The following LIN7B variants were observed in gnomAD, a reference collection of about 807,000 sequenced individuals.
LIN7B encodes lin-7 cell polarity scaffold B, also known as protein lin-7 homolog B.
LIN7B carries 16 observed loss-of-function variants against 27.9 expected under a neutral mutation model. The observed-to-expected ratio is 0.57, with a 90% CI of 0.39 to 0.87. The LOEUF (loss-of-function observed/expected upper bound fraction) is 0.87. LIN7B is among the 40% of genes least tolerant of loss of function. LIN7B has a pLI of 0.00. For missense variants in LIN7B, 291 were observed against 288.5 expected (o/e 1.01, Z -0.06); for synonymous variants, 147 against 120.8 (o/e 1.22, Z -1.42).
chr19:49,118,309 G>A (rs771700198), intron 5 of LIN7B, 43 bp from the exon 6 acceptor site: 5 of 1,611,844 alleles, frequency 3.1e-6, no homozygotes, highest in Non-Finnish European at 4.2e-6. Context: ...TTGTCTACCC[G>A]GAGCCTCCCT....
chr19:49,116,609 G>A, intron 4 of LIN7B, 137 bp downstream of exon 4: 1 of 828,048 alleles, frequency 1.2e-6, no homozygotes, highest in South Asian at 1.8e-5. Flanking sequence ...TACAGACTCT[G>A]AGAGATGTTG....
rs765260868 is a variant in LIN7B, at chr19:49,116,231, GC to G, written c.229-29del. On this transcript the variant is annotated intron_variant, in intron 3 of 5. Coordinates refer to ENST00000221459, the MANE Select transcript of LIN7B (RefSeq NM_022165.3). ...CAGCTTTCATGCCTACCTGGAAGGG[GC>G]CCTCATCTTCAGTCGCTTTCTCTCT... The G allele has an allele frequency of 2.5e-6, 4 of 1,590,214 alleles. No homozygotes were observed. The African/African-American group carries it at 4.0e-5, about 16-fold the overall frequency.
Position 49,118,337 on chromosome 19 carries a change from C to T in LIN7B, c.603-15C>T. On this transcript the variant is annotated splice_polypyrimidine_tract_variant and intron_variant, in intron 5 of 5. Transcript: ENST00000221459. ...GCCTCCCTGATCCCGGGTCCCTTGT[C>T]CACCCCCCTTGCAGGTCCTTGGAGT... The T allele has an allele frequency of 6.2e-7, 1 of 1,614,114 alleles. No individual in the cohort carries two copies. Among genetic ancestry groups the T allele is most frequent in the Non-Finnish European group, 8.5e-7 (1 of 1,179,922 alleles).
At chr19:49,115,082 C>T in intron 2 of LIN7B, 115 bp downstream of exon 2, 1 of 903,000 alleles carries the variant, frequency 1.1e-6, no homozygotes. Context: ...GGCGGCCCGC[C>T]TTGGGGTGCC....
At chr19:49,118,293 C>A in intron 5 of LIN7B, 59 bp from the exon 6 acceptor site, 17 of 1,589,230 alleles carry the variant, frequency 1.1e-5, no homozygotes, top group Non-Finnish European at 1.5e-5. Flanking sequence ...CCCAGTCCTG[C>A]CCCTCTTGTC....
rs948255828 is a variant in LIN7B at position 49,118,157 on chromosome 19, G to T, written c.602+139G>T. The T allele has an allele frequency of 8.3e-6, 12 of 1,442,062 alleles. No homozygotes were observed. In the African/African-American group the frequency reaches 1.4e-4, roughly 17 times the overall value. The allele number at this position is 1,442,062 out of a possible 1,614,324, so 89.3% of individuals were successfully genotyped here. On this transcript the variant is annotated intron_variant, in intron 5 of 5. Transcript: ENST00000221459. Reference sequence around the variant, plus strand: ...TCCTGACCCTTGACCCTTGGCCCAGGCTCTCACCCCAGGCTAGTTTGGCCA... The same window carrying T: ...TCCTGACCCTTGACCCTTGGCCCAGTCTCTCACCCCAGGCTAGTTTGGCCA...
Position 49,117,710 on chromosome 19 carries a change from G to C in LIN7B, c.439-145G>C, listed in dbSNP as rs147876700. 2.0e-3 allele frequency: 1,376 copies of C among 679,330 alleles called. 3 individuals are homozygous for C. Among genetic ancestry groups the C allele is most frequent in the Non-Finnish European group, 3.0e-3 (1,186 of 393,176 alleles). 42.1% of individuals were successfully genotyped at this position (679,330 alleles called of 1,614,324 possible). ...GTTTTGGAGGAGGACACTGAACCAG[G>C]AGTTAATGACTCCCACGAGGAGGAC... On this transcript the variant is annotated intron_variant, in intron 4 of 5. Coordinates refer to ENST00000221459, the MANE Select transcript of LIN7B (RefSeq NM_022165.3).
At chr19:49,114,550 G>C (rs2040792224) in intron 1 of LIN7B, 109 bp downstream of exon 1, 2 of 895,704 alleles carry the variant, frequency 2.2e-6, no homozygotes, top group African/African-American at 3.5e-5. Context: ...AGCGGACCCG[G>C]AGGGGGTGGG....
chr19:49,115,551 A>T, intron 3 of LIN7B: 2 of 549,500 alleles, frequency 3.6e-6, no homozygotes, highest in Non-Finnish European at 6.6e-6. Context: ...TTGGTAGAAG[A>T]TAACCTTCAA....
chr19:49,117,768 G>C, intron 4 of LIN7B, 87 bp from the exon 5 acceptor site: 1 of 1,184,824 alleles, frequency 8.4e-7, no homozygotes, highest in Non-Finnish European at 1.2e-6. Flanking sequence ...CTGGCACCAG[G>C]CTCACTAGCA....
At chr19:49,115,591 T>C (rs1231096728) in intron 3 of LIN7B, 2 of 379,882 alleles carry the variant, frequency 5.3e-6, no homozygotes, top group East Asian at 9.9e-5. Flanking sequence ...AGGAAACTCA[T>C]GGCGCTCTGA....
chr19:49,116,183 T>C, intron 3 of LIN7B, 80 bp from the exon 4 acceptor site: 1 of 1,257,128 alleles, frequency 8.0e-7, no homozygotes, highest in South Asian at 1.4e-5. Context: ...TAAATCGCTG[T>C]CCTCGGTCCA....
chr19:49,115,438 A>T, intron 3 of LIN7B, 107 bp downstream of exon 3: 1 of 988,556 alleles, frequency 1.0e-6, no homozygotes, highest in Non-Finnish European at 1.5e-6. Flanking sequence ...ATTTTTGCTA[A>T]ATCTATGTGC....
At chr19:49,118,317 C>T (rs1164778766) in intron 5 of LIN7B, 35 bp from the exon 6 acceptor site, 2 of 1,613,364 alleles carry the variant, frequency 1.2e-6, no homozygotes, top group African/African-American at 1.3e-5. Context: ...CCGGAGCCTC[C>T]CTGATCCCGG....
At chr19:49,115,455 A>T in intron 3 of LIN7B, 124 bp downstream of exon 3, 1 of 817,068 alleles carries the variant, frequency 1.2e-6, no homozygotes, top group Non-Finnish European at 1.9e-6. Context: ...GTGCCACCTT[A>T]CTATTAGTAA....
chr19:49,115,496 A>T (rs1022280984), intron 3 of LIN7B, 165 bp downstream of exon 3: 11 of 640,068 alleles, frequency 1.7e-5, no homozygotes, highest in Non-Finnish European at 3.0e-5. Flanking sequence ...TAAATGTCAT[A>T]CTAAGGCATC....
chr19:49,115,358 G>T, intron 3 of LIN7B, 27 bp downstream of exon 3: 1 of 1,550,638 alleles, frequency 6.4e-7, no homozygotes, highest in Non-Finnish European at 8.7e-7. Context: ...ATTGCTCCTG[G>T]TGTCTATTTA....
At chr19:49,116,167 C>G in intron 3 of LIN7B, 96 bp from the exon 4 acceptor site, 1 of 1,024,206 alleles carries the variant, frequency 9.8e-7, no homozygotes, top group Non-Finnish European at 1.4e-6. Context: ...GGATAGTAAC[C>G]CAGGCTAAAT....
chr19:49,118,414 C>T lies in LIN7B; in HGVS notation c.*41C>T. On this transcript the variant is annotated 3_prime_UTR_variant, in exon 6 of 6. Transcript: ENST00000221459. ...CGTTCACGTGCACTCTCTTCCTGTA[C>T]AGTATTTATTGTTCCTGGCACTTTA... 6.2e-7 allele frequency: 1 copy of T among 1,609,500 alleles called. No homozygotes were observed. Among genetic ancestry groups the T allele is most frequent in the Middle Eastern group, 1.7e-4 (1 of 6,050 alleles).
Sources: allele counts gnomAD v4.1 joint callset, GRCh38; gene constraint gnomAD v4.1.1; transcripts MANE v1.5; gene names NCBI Gene and HGNC (gene_info 2026-07-23, HGNC 2026-07-21).